GALNS: variants seen among roughly 807,000 people sequenced by gnomAD.
The protein encoded by GALNS is galactosamine (N-acetyl)-6-sulfatase.
In GALNS, 65 loss-of-function variants were observed where a neutral mutation model predicts 65.9. The ratio of observed to expected loss-of-function variants is 0.99; its 90% CI spans 0.81 to 1.21. The LOEUF (loss-of-function observed/expected upper bound fraction) is 1.21. Among genes scored for constraint, GALNS ranks in the 50% most tolerant of loss-of-function variants. The pLI is 0.00. For synonymous variants in GALNS, 346 were observed against 288.9 expected (o/e 1.20, Z -2.00); for missense variants, 776 against 700.7 (o/e 1.11, Z -1.21).
At chr16:88,850,708 C>T (rs773738685) in intron 1 of GALNS, among the ~76,000 whole-genome samples, 5 of 152,212 alleles carry the variant, frequency 3.3e-5, no homozygotes, top group Non-Finnish European at 5.9e-5. Flanking sequence ...CCTCCCCAGG[C>T]GGAGCCACAC....
At chr16:88,842,882 G>A (rs1157332696) in intron 1 of GALNS, 53 bp from the exon 2 acceptor site, 3 of 1,602,658 alleles carry the variant, frequency 1.9e-6, no homozygotes, top group Non-Finnish European at 2.6e-6. Context: ...AGGTGCTTCT[G>A]GCCTGGGGAG....
At chr16:88,837,886 T>C (rs1265718375) in intron 4 of GALNS, 121 bp from the exon 5 acceptor site, 1 of 1,023,682 alleles carries the variant, frequency 9.8e-7, no homozygotes, top group Non-Finnish European at 1.5e-6. Context: ...CAGCACTGAG[T>C]ATGGGCTATG....
chr16:88,831,070 C>G (rs1041071418), intron 9 of GALNS, among the ~76,000 whole-genome samples: 1 of 152,188 alleles, frequency 6.6e-6, no homozygotes, highest in African/African-American at 2.4e-5. Context: ...TGTCTCCTCA[C>G]CACACAGTCA....
At chr16:88,837,308 C>A (rs1912242205) in intron 5 of GALNS, among the ~76,000 whole-genome samples, 1 of 152,200 alleles carries the variant, frequency 6.6e-6, no homozygotes, top group Non-Finnish European at 1.5e-5. Flanking sequence ...CACCCGTAGA[C>A]CACATGGGCA....
chr16:88,817,167 C>A (rs535291624), intron 13 of GALNS: 1 of 985,458 alleles, frequency 1.0e-6, no homozygotes, highest in African/African-American at 1.7e-5. Context: ...CGTCCACATG[C>A]CACCCTATGG....
In GALNS at chr16:88,818,100, C is replaced by T. The variant is rs1447429840; in HGVS notation, c.1389G>A (p.Glu463=). Residue 463 remains glutamate (E), a synonymous_variant, in exon 13 of 14, where the codon GAG becomes GAA. Coordinates refer to ENST00000268695, the MANE Select transcript of GALNS (RefSeq NM_000512.5). ...PLSFASAEYQ[E]ALSRITSVVQ... is the part of the protein sequence containing the mutation. ...CGACCGAGGTGATCCTGCTGAGGGCCTCCTGGTACTCGGCGCTGGCAAAGC... is the reference window on the plus strand; with the variant it reads ...CGACCGAGGTGATCCTGCTGAGGGCTTCCTGGTACTCGGCGCTGGCAAAGC... 2 of 1,572,926 alleles carry T rather than the reference C, an allele frequency of 1.3e-6. No individual in the cohort carries two copies. Among genetic ancestry groups the T allele is most frequent in the African/African-American group, 1.3e-5 (1 of 74,778 alleles).
At chr16:88,816,132 C>G (rs1909597441) in intron 13 of GALNS, 1 of 985,110 alleles carries the variant, frequency 1.0e-6, no homozygotes, top group African/African-American at 1.7e-5. Context: ...TGGCACTTTT[C>G]CCCCTGCAGA....
In GALNS at chr16:88,818,039, G is replaced by C. The variant is rs1204485789; in HGVS notation, c.1450C>G (p.Pro484Ala). The C allele has an allele frequency of 6.3e-7, 1 of 1,582,322 alleles. No individual in the cohort carries two copies. Residue 484 changes from proline (P) to alanine (A), a missense_variant, in exon 13 of 14, where the codon CCC becomes GCC. By Grantham distance (27) the Pro-to-Ala change is conservative. Transcript: ENST00000268695. Reference protein sequence around the residue: ...QHQEALVPAQPQLNVCNWAVM... With the variant: ...QHQEALVPAQAQLNVCNWAVM... ...GCCCAGTTGCACACGTTGAGCTGGG[G>C]CTGCGCGGGGACCAAGGCCTCCTGG...
chr16:88,832,278 C>T lies in GALNS; in HGVS notation c.899-177G>A, dbSNP rs373220003. 2.6e-3 allele frequency among the ~76,000 whole-genome samples: 390 copies of T among 152,254 alleles called. 2 individuals carry two copies. Among genetic ancestry groups the T allele is most frequent in the African/African-American group, 8.5e-3 (352 of 41,534 alleles). ...CTCTCCAGGGGCTCATCTGAGATGCCGCGGCTGCAAAGTCTCCTGGAGAAA... is the reference window on the plus strand; with the variant it reads ...CTCTCCAGGGGCTCATCTGAGATGCTGCGGCTGCAAAGTCTCCTGGAGAAA... On this transcript the variant is annotated intron_variant, in intron 8 of 13. Coordinates refer to ENST00000268695, the MANE Select transcript of GALNS (RefSeq NM_000512.5).
At position 88,842,714 on chromosome 16, in the gene GALNS, C is replaced by T. The variant is rs1263679818; in HGVS notation, c.236G>A (p.Cys79Tyr). Residue 79 changes from cysteine (C) to tyrosine (Y), a missense_variant, in exon 2 of 14, where the codon TGC (cysteine) becomes TAC (tyrosine). Physicochemically the swap from Cys to Tyr is radical, Grantham distance 194. Transcript: ENST00000268695. Reference sequence around the variant, plus strand: ...GGGCCCCGCTGACTTACATGGCGAGCACAGAGGGTTGGCAGAATAGAAGTT... The same window carrying T: ...GGGCCCCGCTGACTTACATGGCGAGTACAGAGGGTTGGCAGAATAGAAGTT... ...FPNFYSANPL[C>Y]SPSRAALLTG... The T allele has an allele frequency of 1.2e-6, 2 of 1,612,790 alleles. No homozygotes were observed. Among genetic ancestry groups the T allele is most frequent in the Non-Finnish European group, 1.7e-6 (2 of 1,179,730 alleles).
intron 13 of GALNS, chr16:88,815,075 C>CT (rs55662993): frequency 0.86 from 848,445 of 985,316 alleles, 365,768 homozygotes; most frequent in African/African-American, 0.98. Context: ...CAACCCCGGA[C>CT]CCCAACCAAT....
Position 88,847,557 on chromosome 16 carries a change from A to G in GALNS, c.121-4728T>C, listed in dbSNP as rs117480853. On this transcript the variant is annotated intron_variant, in intron 1 of 13. Transcript: ENST00000268695. ...TCACCTGCCCATCGGGCCCTTGTAA[A>G]GTTTCCACCATTTCAAATGACCCCA... Among the ~76,000 whole-genome samples the G allele has an allele frequency of 3.0e-3, 454 of 152,220 alleles. 2 individuals are homozygous for G. The highest frequency in any genetic ancestry group is 0.017 in the Middle Eastern group (5 of 294).
At chr16:88,835,164 T>A (rs761934599) in intron 8 of GALNS, 49 bp downstream of exon 8, 7 of 1,552,736 alleles carry the variant, frequency 4.5e-6, no homozygotes, top group Non-Finnish European at 6.1e-6. Flanking sequence ...CACTCTTCGC[T>A]GACACGCTGG....
chr16:88,838,022 G>A lies in GALNS; in HGVS notation c.423-257C>T, dbSNP rs1912327319. 2.0e-5 allele frequency: 10 copies of A among 499,722 alleles called. 1 individual carries two copies. The South Asian group carries it at 2.2e-4, about 11-fold the overall frequency. The allele number at this position is 499,722 out of a possible 1,614,324, so 31.0% of individuals were successfully genotyped here. A position where few individuals can be genotyped will look rare whatever the true frequency, so the allele number is the denominator to read the frequency against. On this transcript the variant is annotated intron_variant, in intron 4 of 13. Transcript: ENST00000268695. ...GGCATGGCGGCGGCCGGGGTTCCCTGCACGGTGAAGGGTGGTGCATCGTGA... is the reference window on the plus strand; with the variant it reads ...GGCATGGCGGCGGCCGGGGTTCCCTACACGGTGAAGGGTGGTGCATCGTGA...
At chr16:88,824,971 G>C (rs946920353) in intron 10 of GALNS, 102 bp from the exon 11 acceptor site, 1 of 886,038 alleles carries the variant, frequency 1.1e-6, no homozygotes, top group East Asian at 2.5e-5. Flanking sequence ...ATGCCTCCAC[G>C]TGAGGTCTTG....
chr16:88,840,819 G>C (rs986647961), intron 4 of GALNS, 173 bp downstream of exon 4: 2 of 658,996 alleles, frequency 3.0e-6, no homozygotes, highest in East Asian at 5.5e-5. Context: ...TGCTGGCAAG[G>C]TCACGCTGGC....
chr16:88,827,897 T>C (rs1911097670), intron 9 of GALNS, among the ~76,000 whole-genome samples: 1 of 152,158 alleles, frequency 6.6e-6, no homozygotes. Flanking sequence ...CCACCCAGTG[T>C]CGACAGCCCT....
chr16:88,826,733 G>A lies in GALNS; in HGVS notation c.1108C>T (p.Pro370Ser), dbSNP rs749891007. The A allele has an allele frequency of 2.5e-6, 4 of 1,612,556 alleles. No homozygotes were observed. In the East Asian group the frequency reaches 6.7e-5, roughly 27 times the overall value. ...ATCAGCCGGCCCTGCAGGAGGGTGG[G>A]GAGGAGGTTGAGGCCATCAATGGCC... ...DRAIDGLNLL[P>S]TLLQGRLMDR... The change falls in exon 10 of 14, where the codon CCC becomes TCC. Residue 370 changes from proline (P) to serine (S), a missense_variant. Transcript: ENST00000268695.
intron 10 of GALNS, among the ~76,000 whole-genome samples, chr16:88,825,965 G>A (rs1052623353): frequency 6.6e-6 from 1 of 152,230 alleles, no homozygotes; most frequent in Non-Finnish European, 1.5e-5. Flanking sequence ...AACGTGGTTT[G>A]AGTGGAATGG....
Sources: allele counts gnomAD v4.1 joint callset (sites outside exome capture counted in the v4.1 genomes callset), GRCh38; gene constraint gnomAD v4.1.1; transcripts MANE v1.5; gene names NCBI Gene and HGNC (gene_info 2026-07-23, HGNC 2026-07-21).